The following HS6ST2 variants were observed in gnomAD, a reference collection of about 807,000 sequenced individuals.
The protein encoded by HS6ST2 is heparan sulfate 6-O-sulfotransferase 2, also known as heparan-sulfate 6-O-sulfotransferase 2.
In HS6ST2, 17 loss-of-function variants were observed where a neutral mutation model predicts 33.0. The ratio of observed to expected loss-of-function variants is 0.52; its 90% CI spans 0.35 to 0.77. The LOEUF is 0.77. HS6ST2 is among the 30% of genes least tolerant of loss of function. The pLI, the probability that HS6ST2 is intolerant of heterozygous loss-of-function variation, is 0.01. For synonymous variants in HS6ST2, 248 were observed against 237.1 expected, an observed-to-expected ratio of 1.05 and a Z score of -0.42; for missense variants, 519 against 551.7, an observed-to-expected ratio of 0.94 and a Z score of 0.59.
chrX:132,724,074 C>T (rs1232418353), intron 2 of HS6ST2, among the ~76,000 whole-genome samples: 5 of 111,432 alleles, frequency 4.5e-5, no homozygotes, highest in African/African-American at 3.3e-5. Flanking sequence ...TGGGATCACG[C>T]GTGGCTGCGG....
At chrX:132,631,133 T>C (rs1159104278) in intron 4 of HS6ST2, among the ~76,000 whole-genome samples, 1 of 111,985 alleles carries the variant, frequency 8.9e-6, no homozygotes, top group African/African-American at 3.2e-5. Context: ...GTAACTTCTT[T>C]AACTGCTTAC....
At chrX:132,917,046 A>G (rs953132576) in intron 2 of HS6ST2, among the ~76,000 whole-genome samples, 8 of 111,935 alleles carry the variant, frequency 7.1e-5, no homozygotes, top group African/African-American at 2.6e-4. Flanking sequence ...TTCTTTTAAT[A>G]TTCCTGAAAT....
intron 2 of HS6ST2, among the ~76,000 whole-genome samples, chrX:132,935,997 G>A (rs2066818875): frequency 1.2e-5 from 1 of 86,350 alleles, no homozygotes; most frequent in Non-Finnish European, 2.2e-5. Flanking sequence ...AAATATTATA[G>A]ATTCTAGGGA....
chrX:132,843,329 A>T (rs959103789), intron 2 of HS6ST2, among the ~76,000 whole-genome samples: 1 of 112,213 alleles, frequency 8.9e-6, no homozygotes, highest in Non-Finnish European at 1.9e-5. Context: ...TATACCACTT[A>T]CATGGGTTTT....
At chrX:132,755,274 C>G (rs1602642991) in intron 2 of HS6ST2, among the ~76,000 whole-genome samples, 2 of 111,711 alleles carry the variant, frequency 1.8e-5, no homozygotes, top group African/African-American at 3.3e-5. Context: ...GTTGGTAGCT[C>G]TTTTAGTTGG....
At chrX:132,820,966 GT>G (rs1419141513) in intron 2 of HS6ST2, among the ~76,000 whole-genome samples, 1 of 110,395 alleles carries the variant, frequency 9.1e-6, no homozygotes, top group Non-Finnish European at 1.9e-5. Context: ...AAAACTCCTT[GT>G]TTTTGGCATC....
chrX:132,772,461 T>C (rs1293365571), intron 2 of HS6ST2, among the ~76,000 whole-genome samples: 3 of 108,730 alleles, frequency 2.8e-5, no homozygotes, highest in East Asian at 5.6e-4. Flanking sequence ...AGGCCATTTC[T>C]GAGGCAAAGT....
chrX:132,754,623 T>C (rs767035428), intron 2 of HS6ST2, among the ~76,000 whole-genome samples: 57 of 109,708 alleles, frequency 5.2e-4, no homozygotes, highest in Non-Finnish European at 1.0e-3. Context: ...TTCACCATGT[T>C]AGCCAGGATG....
chrX:132,945,560 A>T (rs781509709), intron 2 of HS6ST2, among the ~76,000 whole-genome samples: 1 of 110,802 alleles, frequency 9.0e-6, no homozygotes, highest in South Asian at 3.9e-4. Context: ...GCACACATAT[A>T]TTTATTGCGG....
chrX:132,730,073 C>T (rs750370442), intron 2 of HS6ST2, among the ~76,000 whole-genome samples: 25 of 110,508 alleles, frequency 2.3e-4, no homozygotes, highest in Non-Finnish European at 3.0e-4. Flanking sequence ...AGTCCAGCCT[C>T]CTCATTTTAG....
chrX:132,913,631 G>A (rs2066555449), intron 2 of HS6ST2, among the ~76,000 whole-genome samples: 1 of 112,449 alleles, frequency 8.9e-6, no homozygotes, highest in South Asian at 3.7e-4. Flanking sequence ...GCCTCCTGTG[G>A]CAAGCCCAGG....
intron 2 of HS6ST2, among the ~76,000 whole-genome samples, chrX:132,945,412 G>C: frequency 8.9e-6 from 1 of 111,934 alleles, no homozygotes; most frequent in Non-Finnish European, 1.9e-5. Flanking sequence ...TGCTGGGACT[G>C]TAAACTGGTT....
At chrX:132,882,383 A>G (rs1311756527) in intron 2 of HS6ST2, among the ~76,000 whole-genome samples, 1 of 107,771 alleles carries the variant, frequency 9.3e-6, no homozygotes, top group Non-Finnish European at 1.9e-5. Flanking sequence ...TTCTCTTTGA[A>G]GCAATTGTGA....
chrX:132,780,371 C>T (rs927520209), intron 2 of HS6ST2, among the ~76,000 whole-genome samples: 1 of 110,839 alleles, frequency 9.0e-6, no homozygotes, highest in Middle Eastern at 4.6e-3. Context: ...CTGATGTGAG[C>T]GCATAATAGC....
At chrX:132,953,934 C>T (rs2067041223) in intron 2 of HS6ST2, among the ~76,000 whole-genome samples, 1 of 112,178 alleles carries the variant, frequency 8.9e-6, no homozygotes, top group Non-Finnish European at 1.9e-5. Flanking sequence ...CCTTGTTCAT[C>T]AAGGTGCAGT....
At chrX:132,920,408 C>G (rs891742707) in intron 2 of HS6ST2, among the ~76,000 whole-genome samples, 5 of 107,719 alleles carry the variant, frequency 4.6e-5, no homozygotes, top group African/African-American at 1.8e-4. Context: ...TAACCATCTA[C>G]CAAACCCCAA....
chrX:132,641,127 A>G (rs1393038597), intron 4 of HS6ST2, among the ~76,000 whole-genome samples: 1 of 112,240 alleles, frequency 8.9e-6, no homozygotes, highest in Non-Finnish European at 1.9e-5. Flanking sequence ...AGAACATGAA[A>G]TACTTGGATT....
chrX:132,711,167 A>G (rs932970736), intron 2 of HS6ST2, among the ~76,000 whole-genome samples: 1 of 112,085 alleles, frequency 8.9e-6, no homozygotes, highest in African/African-American at 3.2e-5. Context: ...ATGAAAATGA[A>G]GAGAACACAT....
At chrX:132,894,597 C>T (rs1396314946) in intron 2 of HS6ST2, among the ~76,000 whole-genome samples, 1 of 110,261 alleles carries the variant, frequency 9.1e-6, no homozygotes, top group Admixed American at 9.8e-5. Flanking sequence ...AGTGCAGTGG[C>T]ACAATCTCAG....
Sources: allele counts gnomAD v4.1 joint callset (sites outside exome capture counted in the v4.1 genomes callset), GRCh38; gene constraint gnomAD v4.1.1; transcripts MANE v1.5; gene names NCBI Gene and HGNC (gene_info 2026-07-23, HGNC 2026-07-21).